The following ACAP2 variants were observed in gnomAD, a reference collection of about 807,000 sequenced individuals.
ACAP2 encodes the protein arf-GAP with coiled-coil, ANK repeat and PH domain-containing protein 2.
In ACAP2, 39 loss-of-function variants were observed where a neutral mutation model predicts 115.8. That is an observed-to-expected ratio of 0.34 (90% CI 0.26 to 0.44). ACAP2 has a LOEUF of 0.44. ACAP2 is among the 20% of genes least tolerant of loss of function. The pLI, the probability that ACAP2 is intolerant of heterozygous loss-of-function variation, is 1.00. For missense variants in ACAP2, 662 were observed against 927.6 expected (o/e 0.71, Z 3.72); for synonymous variants, 289 against 315.8 (o/e 0.92, Z 0.90).
At chr3:195,312,271 A>G (rs77668534) in intron 10 of ACAP2, among the ~76,000 whole-genome samples, 3,278 of 152,256 alleles carry the variant, frequency 0.022, 116 homozygotes, top group East Asian at 0.1. Flanking sequence ...AAGCCTGAAC[A>G]TGAATGCTCC....
intron 4 of ACAP2, among the ~76,000 whole-genome samples, chr3:195,347,632 A>G (rs563299672): frequency 6.6e-6 from 1 of 152,356 alleles, no homozygotes; most frequent in East Asian, 1.9e-4. Flanking sequence ...TTTGACTTAC[A>G]TAAGTGGATG....
At chr3:195,417,302 T>C (rs1223053403) in intron 1 of ACAP2, among the ~76,000 whole-genome samples, 1 of 151,880 alleles carries the variant, frequency 6.6e-6, no homozygotes, top group Non-Finnish European at 1.5e-5. Flanking sequence ...TCTACCTGAA[T>C]GTACCATGCA....
At chr3:195,428,210 CATAATT>C (rs1389081716) in intron 1 of ACAP2, among the ~76,000 whole-genome samples, 1 of 150,108 alleles carries the variant, frequency 6.7e-6, no homozygotes, top group Non-Finnish European at 1.5e-5. Context: ...CATATATAGT[CATAATT>C]ATATGTATGT....
At chr3:195,374,974 C>T (rs1733425061) in intron 4 of ACAP2, among the ~76,000 whole-genome samples, 1 of 151,718 alleles carries the variant, frequency 6.6e-6, no homozygotes, top group Non-Finnish European at 1.5e-5. Context: ...GGCAGATCAC[C>T]TGAGGTCAGG....
chr3:195,303,702 A>C (rs972183095), intron 13 of ACAP2, among the ~76,000 whole-genome samples: 39 of 152,288 alleles, frequency 2.6e-4, no homozygotes, highest in South Asian at 1.2e-3. Flanking sequence ...CCAGGAGGTC[A>C]AGGCTGCAGT....
At chr3:195,337,342 C>T (rs1426332936) in intron 6 of ACAP2, among the ~76,000 whole-genome samples, 1 of 152,166 alleles carries the variant, frequency 6.6e-6, no homozygotes, top group African/African-American at 2.4e-5. Flanking sequence ...ACCACTACCA[C>T]CATCATGTCT....
chr3:195,296,620 C>T (rs930788170), intron 16 of ACAP2, among the ~76,000 whole-genome samples: 1 of 152,174 alleles, frequency 6.6e-6, no homozygotes, highest in Non-Finnish European at 1.5e-5. Flanking sequence ...CAACAAAAAT[C>T]ATGTGCTTTG....
intron 4 of ACAP2, among the ~76,000 whole-genome samples, chr3:195,358,229 G>A (rs1385305471): frequency 1.3e-5 from 2 of 152,140 alleles, no homozygotes; most frequent in African/African-American, 4.8e-5. Flanking sequence ...AACTAAGTAG[G>A]TTTGAATACT....
At chr3:195,365,082 A>G (rs977195455) in intron 4 of ACAP2, among the ~76,000 whole-genome samples, 1 of 152,220 alleles carries the variant, frequency 6.6e-6, no homozygotes, top group African/African-American at 2.4e-5. Flanking sequence ...AATTAAAACA[A>G]TTGAACTCAT....
At chr3:195,375,648 CAAA>C (rs568215640) in intron 4 of ACAP2, among the ~76,000 whole-genome samples, 1 of 151,950 alleles carries the variant, frequency 6.6e-6, no homozygotes, top group East Asian at 1.9e-4. Context: ...CCCATCTCAA[CAAA>C]AAAATTAAAA....
chr3:195,294,320 C>T (rs1260514913), intron 18 of ACAP2, among the ~76,000 whole-genome samples: 2 of 151,586 alleles, frequency 1.3e-5, no homozygotes, highest in South Asian at 2.1e-4. Context: ...GGCACGGTGG[C>T]TCAAATCCCA....
chr3:195,385,266 T>G (rs2108759055), intron 2 of ACAP2, among the ~76,000 whole-genome samples: 1 of 151,536 alleles, frequency 6.6e-6, no homozygotes, highest in East Asian at 1.9e-4. Flanking sequence ...AAAAAAAGAT[T>G]CTTAGCACAA....
In ACAP2 at chr3:195,326,899, T is replaced by C; in HGVS notation, c.730A>G (p.Thr244Ala). 6.2e-7 allele frequency: 1 copy of C among 1,614,010 alleles called. No homozygotes were observed. The highest frequency in any genetic ancestry group is 8.5e-7 in the Non-Finnish European group (1 of 1,179,956). Reference protein sequence around the residue: ...EKREMEQKHSTIQQKDFSSDD... With the variant: ...EKREMEQKHSAIQQKDFSSDD... ...CCCTGAGGTACCTTTTGTTGAATGG[T>C]GGAATGTTTTTGCTCCATTTCTCTT... The change falls in exon 9 of 23, where the codon ACC becomes GCC. Residue 244 changes from threonine to alanine, a missense_variant. This residue lies in a region of ACAP2 where 401 missense variants were observed against 604.4 expected (regional missense o/e 0.66). Transcript: ENST00000326793.
chr3:195,324,476 C>T (rs114880140), intron 9 of ACAP2, among the ~76,000 whole-genome samples: 7 of 151,872 alleles, frequency 4.6e-5, no homozygotes, highest in African/African-American at 7.3e-5. Flanking sequence ...ACCTAAAAAG[C>T]GGCACGGTGG....
rs192885077 is a variant in ACAP2, at chr3:195,363,201, C to T, written c.285+17808G>A. ...AAGGAAGTAATCCCATTTACAATTG[C>T]TACAAATAAAATTAAATACTTAGCA... On this transcript the variant is annotated intron_variant, in intron 4 of 22. Coordinates refer to ENST00000326793, the MANE Select transcript of ACAP2 (RefSeq NM_012287.6). Among the ~76,000 whole-genome samples, 98 of 152,254 alleles carry T rather than the reference C, an allele frequency of 6.4e-4. 1 individual carries two copies. Among genetic ancestry groups the T allele is most frequent in the South Asian group, 3.9e-3 (19 of 4,822 alleles).
chr3:195,340,524 C>A (rs1024315446), intron 6 of ACAP2, among the ~76,000 whole-genome samples: 1 of 151,674 alleles, frequency 6.6e-6, no homozygotes, highest in Non-Finnish European at 1.5e-5. Flanking sequence ...AAGATGAAAC[C>A]CTAAAAAGGA....
At chr3:195,290,853 A>AAATAAAT (rs1560205182) in intron 20 of ACAP2, among the ~76,000 whole-genome samples, 27 of 127,590 alleles carry the variant, frequency 2.1e-4, no homozygotes, top group African/African-American at 5.2e-4. Context: ...AATAAATAAT[A>AAATAAAT]AATAAATAAA....
intron 1 of ACAP2, among the ~76,000 whole-genome samples, chr3:195,433,951 A>T (rs1165194857): frequency 6.6e-6 from 1 of 151,922 alleles, no homozygotes; most frequent in Non-Finnish European, 1.5e-5. Flanking sequence ...TTGTTTTGAG[A>T]CTAGGTCTCA....
chr3:195,442,894 G>A lies in ACAP2; in HGVS notation c.-47C>T. ...GCGCTGGCAAAGCCGAGGGGGCCGC[G>A]GGAGCGGCCGCGCTGGGACGCAGAC... is the stretch of plus-strand genomic sequence containing the variant. On this transcript the variant is annotated 5_prime_UTR_variant, in exon 1 of 23. Coordinates refer to ENST00000326793, the MANE Select transcript of ACAP2 (RefSeq NM_012287.6). 1 of 1,482,788 alleles carries A rather than the reference G, an allele frequency of 6.7e-7. No homozygotes were observed. Among genetic ancestry groups the A allele is most frequent in the South Asian group, 1.3e-5 (1 of 77,952 alleles). The allele number at this position is 1,482,788 out of a possible 1,614,324, so 91.9% of individuals were successfully genotyped here.
Sources: gnomAD v4.1 joint callset for allele counts (sites outside exome capture counted in the v4.1 genomes callset) on GRCh38, gnomAD v4.1.1 for gene constraint, gnomAD v4.1.1 regional missense constraint, MANE v1.5 for transcripts, NCBI Gene and HGNC (gene_info 2026-07-23, HGNC 2026-07-21) for gene names.